AP3B2: variants seen among roughly 807,000 people sequenced by gnomAD.
The protein encoded by AP3B2 is adaptor related protein complex 3 subunit beta 2.
Under a neutral mutation model 126.9 loss-of-function variants are expected in AP3B2, and 50 were observed. That is an observed-to-expected ratio of 0.39 (90% CI 0.31 to 0.50). The LOEUF is 0.50. AP3B2 is among the 20% of genes least tolerant of loss of function. The pLI is 0.79. For missense variants in AP3B2, 1,177 were observed against 1,426.4 expected (o/e 0.83, Z 2.82); for synonymous variants, 541 against 565.0 (o/e 0.96, Z 0.60).
intron 4 of AP3B2, among the ~76,000 whole-genome samples, chr15:82,684,374 A>G (rs1391368475): frequency 5.9e-5 from 9 of 152,140 alleles, no homozygotes. Flanking sequence ...CTTAAACTTC[A>G]TGAACCAACC....
intron 1 of AP3B2, among the ~76,000 whole-genome samples, chr15:82,698,361 C>G (rs536885561): frequency 6.2e-4 from 95 of 152,036 alleles, no homozygotes; most frequent in Non-Finnish European, 1.1e-3. Context: ...GGAGACCTCT[C>G]CCCACTCTCC....
At chr15:82,690,710 G>A in intron 1 of AP3B2, among the ~76,000 whole-genome samples, 1 of 133,626 alleles carries the variant, frequency 7.5e-6, no homozygotes, top group South Asian at 2.3e-4. Context: ...CTGGAGTGCA[G>A]TGGCGCAATC....
At chr15:82,660,030 A>G in intron 25 of AP3B2, 47 bp from the exon 26 acceptor site, 1 of 1,594,280 alleles carries the variant, frequency 6.3e-7, no homozygotes, top group Non-Finnish European at 8.6e-7. Context: ...GTGGGTACAG[A>G]GGCCAGCACC....
At chr15:82,701,334 C>T (rs1007257051) in intron 1 of AP3B2, among the ~76,000 whole-genome samples, 18 of 152,136 alleles carry the variant, frequency 1.2e-4, no homozygotes, top group Admixed American at 1.1e-3. Flanking sequence ...TCGCTCCTTC[C>T]CATCAGCAGT....
At position 82,692,211 on chromosome 15, in the gene AP3B2, C is replaced by G. The variant is rs1432587555; in HGVS notation, c.114-2758G>C. The G allele has an allele frequency of 3.9e-6, 5 of 1,271,552 alleles. No individual in the cohort carries two copies. The Admixed American group carries it at 8.9e-5, about 23-fold the overall frequency. 78.8% of individuals were successfully genotyped at this position (1,271,552 alleles called of 1,614,324 possible). A position where few individuals can be genotyped will look rare whatever the true frequency, so the allele number is the denominator to read the frequency against. ...CTCTGCATCTCGGGGGTCCTCAAAG[C>G]GCACCAAGGCGAAGGGCACAAGGCA... On this transcript the variant is annotated intron_variant, in intron 1 of 26. Transcript: ENST00000535359.
rs779182838 is a variant in AP3B2, at chr15:82,665,581, G to A, written c.1853-6C>T. The A allele has an allele frequency of 1.9e-6, 3 of 1,607,420 alleles. No individual in the cohort carries two copies. The highest frequency in any genetic ancestry group is 2.6e-6 in the Non-Finnish European group (3 of 1,174,260). ...CAGCTGGAAGTGGTCCCGGTCTAGGGATAGGTTTAGAGGTCAGGCAGGTAG... is the reference window on the plus strand; with the variant it reads ...CAGCTGGAAGTGGTCCCGGTCTAGGAATAGGTTTAGAGGTCAGGCAGGTAG... On this transcript the variant is annotated splice_polypyrimidine_tract_variant and splice_region_variant and intron_variant, in intron 15 of 26. Transcript: ENST00000535359. This position sits in a 1 kb window ranked among gnomAD's most constrained non-coding sequence, Gnocchi z 4.4.
In AP3B2 at chr15:82,680,180, G is replaced by A. The variant is rs1285149001; in HGVS notation, c.1105C>T (p.Arg369Cys). ...LQNVATMSIKRRGMFEPYLKS... is the reference protein window; with the variant it reads ...LQNVATMSIKCRGMFEPYLKS... ...GCCCGCCGTCGCAGGCTCACCCGGC[G>A]CTTGATGGACATGGTGGCCACGTTC... The change falls in exon 9 of 27, where the codon CGC becomes TGC. Residue 369 changes from arginine (R) to cysteine (C), a missense_variant. Arg to Cys is a radical substitution (Grantham distance 180). Coordinates refer to ENST00000535359, the MANE Select transcript of AP3B2 (RefSeq NM_001278512.2). The surrounding 1 kb of genome is among the most constrained non-coding windows in gnomAD (Gnocchi z 6.1). 4 of 1,613,268 alleles carry A rather than the reference G, an allele frequency of 2.5e-6. No homozygotes were observed. The African/African-American group carries it at 5.3e-5, about 22-fold the overall frequency.
intron 3 of AP3B2, 132 bp downstream of exon 3, chr15:82,689,026 C>A: frequency 8.9e-7 from 1 of 1,121,436 alleles, no homozygotes; most frequent in South Asian, 1.4e-5. Flanking sequence ...GAGACAGTGT[C>A]TTCTCCTGGC....
At chr15:82,698,459 A>G (rs1220421923) in intron 1 of AP3B2, among the ~76,000 whole-genome samples, 1 of 151,262 alleles carries the variant, frequency 6.6e-6, no homozygotes, top group African/African-American at 2.4e-5. Flanking sequence ...ACACCCTCAT[A>G]GAGACACACA....
At chr15:82,682,352 C>T (rs1170161863) in intron 4 of AP3B2, among the ~76,000 whole-genome samples, 1 of 151,986 alleles carries the variant, frequency 6.6e-6, no homozygotes, top group Non-Finnish European at 1.5e-5. Flanking sequence ...CACGCCCGGC[C>T]CCAAGCCCTT....
intron 1 of AP3B2, among the ~76,000 whole-genome samples, chr15:82,693,249 C>T (rs2048575065): frequency 7.9e-6 from 1 of 127,198 alleles, no homozygotes; most frequent in Admixed American, 9.4e-5. Context: ...TGCTTTGCAG[C>T]ACTTTTTTTT....
intron 4 of AP3B2, chr15:82,687,305 G>C (rs770776447): frequency 1.2e-4 from 19 of 152,206 alleles, no homozygotes; most frequent in Non-Finnish European, 5.9e-5. Context: ...GGGCAAAATT[G>C]AGTAGTTGCA....
chr15:82,668,951 A>G (rs2151432655), intron 14 of AP3B2, among the ~76,000 whole-genome samples: 1 of 152,386 alleles, frequency 6.6e-6, no homozygotes, highest in South Asian at 2.1e-4. Flanking sequence ...CATGCTTAGA[A>G]AACTGGCTGT....
At chr15:82,693,062 T>TA (rs2048568687) in intron 1 of AP3B2, among the ~76,000 whole-genome samples, 1 of 151,814 alleles carries the variant, frequency 6.6e-6, no homozygotes, top group East Asian at 1.9e-4. Flanking sequence ...CTTCAAAACA[T>TA]AAACACCACG....
Position 82,680,915 on chromosome 15 carries a change from C to G in AP3B2, c.693G>C (p.Val231=). ...TGATGACCACCTGGCCCCACTCCTCCACGTCGATCAGCAGGTTACAGAGTT... is the reference window on the plus strand; with the variant it reads ...TGATGACCACCTGGCCCCACTCCTCGACGTCGATCAGCAGGTTACAGAGTT... ...YRKLCNLLID[V]EEWGQVVIIS... is the part of the protein sequence containing the mutation. The change falls in exon 7 of 27, where the codon GTG becomes GTC. Residue 231 remains valine, a synonymous_variant. Coordinates refer to ENST00000535359, the MANE Select transcript of AP3B2 (RefSeq NM_001278512.2). The surrounding 1 kb of genome is among the most constrained non-coding windows in gnomAD (Gnocchi z 6.1). 6.2e-7 allele frequency: 1 copy of G among 1,613,934 alleles called. No individual in the cohort carries two copies. Among genetic ancestry groups the G allele is most frequent in the Non-Finnish European group, 8.5e-7 (1 of 1,179,874 alleles).
intron 14 of AP3B2, among the ~76,000 whole-genome samples, chr15:82,672,484 T>G (rs2048174347): frequency 6.6e-6 from 1 of 151,818 alleles, no homozygotes; most frequent in African/African-American, 2.4e-5. Context: ...GTGGGGGAAG[T>G]GGGGATAGTT....
Position 82,659,337 on chromosome 15 carries a change from G to A in AP3B2, c.*223C>T. 1.9e-6 allele frequency: 1 copy of A among 518,544 alleles called. No homozygotes were observed. The highest frequency in any genetic ancestry group is 3.4e-6 in the Non-Finnish European group (1 of 293,718). The allele number at this position is 518,544 out of a possible 1,614,324, so 32.1% of individuals were successfully genotyped here. A position where few individuals can be genotyped will look rare whatever the true frequency, so the allele number is the denominator to read the frequency against. On this transcript the variant is annotated 3_prime_UTR_variant, in exon 27 of 27. Transcript: ENST00000535359. ...ATAAATAGCTACAGAAATCTGGGAG[G>A]ACTGAAGGGAGTGGCTGCCATCTCT...
At position 82,677,271 on chromosome 15, in the gene AP3B2, C is replaced by T; in HGVS notation, c.1488+3G>A. On this transcript the variant is annotated splice_donor_region_variant and intron_variant, in intron 13 of 26. Coordinates refer to ENST00000535359, the MANE Select transcript of AP3B2 (RefSeq NM_001278512.2). Reference sequence around the variant, plus strand: ...GGGAGTGAAAATATGGCTTCTCCCTCACCTGGATGTTGTCTGTAAGCTTTG... The same window carrying T: ...GGGAGTGAAAATATGGCTTCTCCCTTACCTGGATGTTGTCTGTAAGCTTTG... 1 of 1,610,166 alleles carries T rather than the reference C, an allele frequency of 6.2e-7. No homozygotes were observed. The highest frequency in any genetic ancestry group is 8.5e-7 in the Non-Finnish European group (1 of 1,177,682).
intron 25 of AP3B2, among the ~76,000 whole-genome samples, chr15:82,661,531 T>G (rs1441178506): frequency 6.6e-6 from 1 of 152,214 alleles, no homozygotes; most frequent in Non-Finnish European, 1.5e-5. Context: ...TACATGAAAT[T>G]TAAACTTCAG....
Sources: allele counts gnomAD v4.1 joint callset (sites outside exome capture counted in the v4.1 genomes callset), GRCh38; gene constraint gnomAD v4.1.1; non-coding constraint Gnocchi (gnomAD v3.1); transcripts MANE v1.5; gene names NCBI Gene and HGNC (gene_info 2026-07-23, HGNC 2026-07-21).